PLXNA4: variants seen among roughly 807,000 people sequenced by gnomAD.
PLXNA4 encodes the protein plexin-A4.
In PLXNA4, 44 loss-of-function variants were observed where a neutral mutation model predicts 191.8. That is an observed-to-expected ratio of 0.23 (90% CI 0.18 to 0.29). PLXNA4 has a LOEUF of 0.29. Ranked by LOEUF, PLXNA4 falls within the 10% of genes least tolerant of loss-of-function variation. The pLI is 1.00. For missense variants in PLXNA4, 1,800 were observed against 2,488.8 expected, an observed-to-expected ratio of 0.72 and a Z score of 5.89; for synonymous variants, 1,082 against 1,009.5, an observed-to-expected ratio of 1.07 and a Z score of -1.36.
intron 2 of PLXNA4, among the ~76,000 whole-genome samples, chr7:132,499,204 A>C (rs896795996): frequency 6.6e-6 from 1 of 152,232 alleles, no homozygotes; most frequent in Admixed American, 6.5e-5. Context: ...GGTTGAACCC[A>C]TGACCTTCTC....
chr7:132,452,706 A>C (rs1356755956), intron 3 of PLXNA4, among the ~76,000 whole-genome samples: 1 of 152,140 alleles, frequency 6.6e-6, no homozygotes, highest in Admixed American at 6.5e-5. Flanking sequence ...TTCCAACCCA[A>C]GCTCTCTGAT....
At chr7:132,168,917 C>A (rs1217706356) in intron 21 of PLXNA4, among the ~76,000 whole-genome samples, 1 of 152,182 alleles carries the variant, frequency 6.6e-6, no homozygotes, top group African/African-American at 2.4e-5. Flanking sequence ...ACCTCACAGT[C>A]CCTGTGGGGA....
rs554855526 is a variant in PLXNA4 at position 132,263,565 on chromosome 7, T to A, written c.1504-22399A>T. Among the ~76,000 whole-genome samples the A allele has an allele frequency of 2.6e-5, 4 of 152,342 alleles. No individual in the cohort carries two copies. The East Asian group carries it at 7.7e-4, about 29-fold the overall frequency. ...TCTGGTTTGGAAGCTTTACCCATAG[T>A]TAGAAGACAGAGCGGAGCTGACACT... On this transcript the variant is annotated intron_variant, in intron 4 of 31. Transcript: ENST00000321063.
In PLXNA4 at chr7:132,228,540, C is replaced by T; in HGVS notation, c.1605-71G>A. On this transcript the variant is annotated intron_variant, in intron 5 of 31. Transcript: ENST00000321063. ...TCCAGGGAGGGGCGGATGCTGAGGT[C>T]AGGTGTTTCCAGCAGCTCCCAGGAT... The T allele has an allele frequency of 2.5e-6, 4 of 1,584,678 alleles. No homozygotes were observed. The Admixed American group carries it at 5.1e-5, about 20-fold the overall frequency.
intron 3 of PLXNA4, among the ~76,000 whole-genome samples, chr7:132,340,282 G>A (rs1802976486): frequency 1.3e-5 from 2 of 152,190 alleles, no homozygotes; most frequent in Non-Finnish European, 2.9e-5. Flanking sequence ...TAAAGTTTAA[G>A]ACTGGATAAA....
intron 3 of PLXNA4, 56 bp from the exon 4 acceptor site, chr7:132,298,278 C>G: frequency 6.4e-7 from 1 of 1,559,222 alleles, no homozygotes; most frequent in Admixed American, 1.9e-5. Flanking sequence ...TGCCCACAGC[C>G]AAACTTCAGC....
intron 21 of PLXNA4, among the ~76,000 whole-genome samples, chr7:132,170,580 C>T (rs949368304): frequency 1.3e-5 from 2 of 152,226 alleles, no homozygotes; most frequent in Non-Finnish European, 2.9e-5. Context: ...TCCTCATTAC[C>T]AATACCCTGT....
chr7:132,626,639 A>T (rs1489993994), intron 2 of PLXNA4, among the ~76,000 whole-genome samples: 1 of 152,182 alleles, frequency 6.6e-6, no homozygotes, highest in Non-Finnish European at 1.5e-5. Flanking sequence ...CATGTGTAAA[A>T]GCTCCCTGAG....
At chr7:132,633,275 G>A (rs900983558) in intron 2 of PLXNA4, among the ~76,000 whole-genome samples, 1 of 145,754 alleles carries the variant, frequency 6.9e-6, no homozygotes, top group Non-Finnish European at 1.5e-5. Flanking sequence ...TGGGGCTTGA[G>A]GTTCTCATTT....
At chr7:132,165,074 C>T in intron 23 of PLXNA4, 60 bp downstream of exon 23, 1 of 1,585,458 alleles carries the variant, frequency 6.3e-7, no homozygotes, top group African/African-American at 1.3e-5. Flanking sequence ...GAGCGATCCC[C>T]AGTCAGGCTG....
At chr7:132,315,180 G>A (rs1801897076) in intron 3 of PLXNA4, among the ~76,000 whole-genome samples, 1 of 152,134 alleles carries the variant, frequency 6.6e-6, no homozygotes, top group African/African-American at 2.4e-5. Flanking sequence ...AGGACCAGAG[G>A]GGCTTTCACT....
At chr7:132,434,169 G>A (rs1271167701) in intron 3 of PLXNA4, among the ~76,000 whole-genome samples, 1 of 152,122 alleles carries the variant, frequency 6.6e-6, no homozygotes, top group African/African-American at 2.4e-5. Context: ...CTTTGCTTTT[G>A]TCTCTCCTTC....
intron 3 of PLXNA4, among the ~76,000 whole-genome samples, chr7:132,388,781 G>A (rs1563072079): frequency 6.7e-6 from 1 of 150,036 alleles, no homozygotes; most frequent in Non-Finnish European, 1.5e-5. Flanking sequence ...AGGGTGGGAT[G>A]AGCTCAAGCC....
chr7:132,476,792 A>G (rs1041206704), intron 3 of PLXNA4, among the ~76,000 whole-genome samples: 2 of 152,250 alleles, frequency 1.3e-5, no homozygotes, highest in African/African-American at 4.8e-5. Context: ...GGGTAATTTA[A>G]TTATCCAAGA....
At chr7:132,523,753 A>G (rs1254610392) in intron 1 of PLXNA4, among the ~76,000 whole-genome samples, 2 of 152,082 alleles carry the variant, frequency 1.3e-5, no homozygotes, top group African/African-American at 4.8e-5. Context: ...TTGCTCCAGC[A>G]GGGGTTGCTG....
At position 132,125,525 on chromosome 7, in the gene PLXNA4, C is replaced by A. The variant is rs1313541994; in HGVS notation, c.*4954G>T. On this transcript the variant is annotated 3_prime_UTR_variant, in exon 32 of 32. Transcript: ENST00000321063. Reference sequence around the variant, plus strand: ...TTTGGACTTAACATCCATAGCAGGGCTCCCTTCTTACTTTCGAACTATTAA... The same window carrying A: ...TTTGGACTTAACATCCATAGCAGGGATCCCTTCTTACTTTCGAACTATTAA... 1 of 152,314 alleles carries A rather than the reference C, an allele frequency of 6.6e-6. No individual in the cohort carries two copies. The highest frequency in any genetic ancestry group is 1.9e-4 in the East Asian group (1 of 5,188). 9.4% of individuals were successfully genotyped at this position (152,314 alleles called of 1,614,324 possible).
At chr7:132,558,311 CA>C (rs1321966029) in intron 1 of PLXNA4, among the ~76,000 whole-genome samples, 1 of 152,048 alleles carries the variant, frequency 6.6e-6, no homozygotes, top group Non-Finnish European at 1.5e-5. Context: ...GACATTTTTT[CA>C]AAGCAAATTT....
intron 2 of PLXNA4, among the ~76,000 whole-genome samples, chr7:132,494,657 T>C (rs899645603): frequency 1.3e-5 from 2 of 152,178 alleles, no homozygotes; most frequent in Admixed American, 6.5e-5. Flanking sequence ...CTTATGGCGC[T>C]TCCCTCGTGC....
At chr7:132,313,077 C>A (rs1801807977) in intron 3 of PLXNA4, among the ~76,000 whole-genome samples, 1 of 152,128 alleles carries the variant, frequency 6.6e-6, no homozygotes, top group Admixed American at 6.5e-5. Flanking sequence ...GCAGCTGCCC[C>A]CTGGATGCAC....
Sources: allele counts gnomAD v4.1 joint callset (sites outside exome capture counted in the v4.1 genomes callset), GRCh38; gene constraint gnomAD v4.1.1; transcripts MANE v1.5; gene names NCBI Gene and HGNC (gene_info 2026-07-23, HGNC 2026-07-21).